JPH3: variants seen among roughly 807,000 people sequenced by gnomAD.
The protein encoded by JPH3 is junctophilin 3.
JPH3 carries 11 observed loss-of-function variants against 59.6 expected under a neutral mutation model. The ratio of observed to expected loss-of-function variants is 0.18; its 90% confidence interval spans 0.12 to 0.31. The LOEUF is 0.31. JPH3 is among the 10% of genes least tolerant of loss of function. The probability of loss-of-function intolerance (pLI) is 1.00; values close to 1 mark genes in which losing one functional copy is unlikely to be tolerated. For synonymous variants in JPH3, 673 were observed against 483.6 expected, an observed-to-expected ratio of 1.39 and a Z score of -5.14; for missense variants, 1,202 against 1,105.7, an observed-to-expected ratio of 1.09 and a Z score of -1.24.
At chr16:87,666,180 C>A (rs1261267672) in intron 2 of JPH3, among the ~76,000 whole-genome samples, 1 of 151,662 alleles carries the variant, frequency 6.6e-6, no homozygotes, top group African/African-American at 2.4e-5. Context: ...CCTCTGCCTC[C>A]CTGATTTAAG....
intron 2 of JPH3, among the ~76,000 whole-genome samples, chr16:87,658,450 C>G (rs998881388): frequency 3.3e-5 from 5 of 151,194 alleles, no homozygotes; most frequent in Non-Finnish European, 7.4e-5. Context: ...CTGCTTTGCT[C>G]TCTGTCTCTC....
At chr16:87,683,099 A>G (rs1017185092) in intron 2 of JPH3, among the ~76,000 whole-genome samples, 1 of 152,148 alleles carries the variant, frequency 6.6e-6, no homozygotes, top group African/African-American at 2.4e-5. Flanking sequence ...GGGTGAGGGA[A>G]CTGCCCAGCT....
chr16:87,679,549 C>T (rs2033233497), intron 2 of JPH3, among the ~76,000 whole-genome samples: 1 of 152,242 alleles, frequency 6.6e-6, no homozygotes, highest in Admixed American at 6.5e-5. Context: ...TGTTGGAGCT[C>T]TTCTTTGACC....
chr16:87,617,381 A>T (rs1219727383), intron 1 of JPH3, among the ~76,000 whole-genome samples: 1 of 148,450 alleles, frequency 6.7e-6, no homozygotes, highest in African/African-American at 2.4e-5. Flanking sequence ...TGAATTTAAA[A>T]AGCTGCTGCC....
chr16:87,681,316 G>A (rs2033287330), intron 2 of JPH3, among the ~76,000 whole-genome samples: 2 of 145,714 alleles, frequency 1.4e-5, no homozygotes, highest in African/African-American at 2.6e-5. Context: ...TGACAGTTCC[G>A]GGAGGTCAGG....
chr16:87,684,523 T>C, intron 3 of JPH3: 1 of 479,712 alleles, frequency 2.1e-6, no homozygotes, highest in Non-Finnish European at 3.7e-6. Context: ...CGCGTGTTGC[T>C]TGCCGGCTGT....
chr16:87,629,813 G>A (rs1288194731), intron 1 of JPH3, among the ~76,000 whole-genome samples: 1 of 152,142 alleles, frequency 6.6e-6, no homozygotes, highest in Non-Finnish European at 1.5e-5. Flanking sequence ...GGACCCTGAT[G>A]AAAACCATGG....
At chr16:87,629,935 G>A (rs1379122472) in intron 1 of JPH3, among the ~76,000 whole-genome samples, 3 of 152,132 alleles carry the variant, frequency 2.0e-5, no homozygotes, top group Non-Finnish European at 4.4e-5. Flanking sequence ...GGAACTCTCT[G>A]TACTTTCCAC....
chr16:87,631,711 G>A (rs1294518647), intron 1 of JPH3, among the ~76,000 whole-genome samples: 3 of 152,032 alleles, frequency 2.0e-5, no homozygotes, highest in Admixed American at 6.5e-5. Context: ...TTTAGAGTTC[G>A]GGTGTTCTGG....
chr16:87,671,546 T>C (rs1022577754), intron 2 of JPH3, among the ~76,000 whole-genome samples: 2 of 152,128 alleles, frequency 1.3e-5, no homozygotes, highest in Non-Finnish European at 2.9e-5. Context: ...CAGGCCCTAA[T>C]AGCAGGAGTC....
chr16:87,639,625 C>T (rs1388240155), intron 1 of JPH3, among the ~76,000 whole-genome samples: 1 of 150,862 alleles, frequency 6.6e-6, no homozygotes. Context: ...CCCTCCTGGC[C>T]TCCCTCCTGG....
chr16:87,655,340 A>AT (rs1008242583), intron 2 of JPH3, among the ~76,000 whole-genome samples: 8 of 49,836 alleles, frequency 1.6e-4, no homozygotes, highest in Non-Finnish European at 2.2e-4. Context: ...AAATAATTTT[A>AT]TTTTTTGTGA....
intron 3 of JPH3, among the ~76,000 whole-genome samples, chr16:87,684,650 C>A (rs557272310): frequency 7.7e-4 from 117 of 152,352 alleles, no homozygotes; most frequent in African/African-American, 2.8e-3. Flanking sequence ...GCGTGGCAGC[C>A]ATTAGCTGGG....
At chr16:87,660,579 C>T (rs528017032) in intron 2 of JPH3, among the ~76,000 whole-genome samples, 9 of 152,292 alleles carry the variant, frequency 5.9e-5, no homozygotes, top group African/African-American at 9.6e-5. Context: ...GGCACATGTC[C>T]GTTGTAGTCA....
At chr16:87,692,817 C>A (rs2033634558) in intron 4 of JPH3, among the ~76,000 whole-genome samples, 1 of 152,216 alleles carries the variant, frequency 6.6e-6, no homozygotes, top group South Asian at 2.1e-4. Context: ...CTCCTGCGGG[C>A]AGCCACGCCC....
At position 87,648,292 on chromosome 16, in the gene JPH3, G is replaced by A. The variant is rs180855002; in HGVS notation, c.1160+3257G>A. On this transcript the variant is annotated intron_variant, in intron 2 of 4. Coordinates refer to ENST00000284262, the MANE Select transcript of JPH3 (RefSeq NM_020655.4). Reference sequence around the variant, plus strand: ...AAGAGAGTCTGCCGCCCTGGAGAGTGAAGCTGATGAATGGCTGGCTCAGGC... The same window carrying A: ...AAGAGAGTCTGCCGCCCTGGAGAGTAAAGCTGATGAATGGCTGGCTCAGGC... Among the ~76,000 whole-genome samples the A allele has an allele frequency of 2.6e-5, 4 of 152,288 alleles. No individual in the cohort carries two copies. The East Asian group carries it at 7.7e-4, about 29-fold the overall frequency.
intron 1 of JPH3, among the ~76,000 whole-genome samples, chr16:87,622,685 A>G (rs2031231042): frequency 6.6e-6 from 1 of 151,612 alleles, no homozygotes; most frequent in Non-Finnish European, 1.5e-5. Context: ...CTGAGGGTGC[A>G]TGGGGTCTGG....
intron 1 of JPH3, among the ~76,000 whole-genome samples, chr16:87,634,840 CTG>C (rs1036141262): frequency 7.2e-5 from 11 of 152,370 alleles, no homozygotes; most frequent in African/African-American, 2.6e-4. Context: ...GAGAGACGCT[CTG>C]TGTGGGCTTC....
At position 87,626,595 on chromosome 16, in the gene JPH3, C is replaced by T. The variant is rs540068043; in HGVS notation, c.383-17663C>T. Among the ~76,000 whole-genome samples, 522 of 152,382 alleles carry T rather than the reference C, an allele frequency of 3.4e-3. 6 individuals carry two copies. The highest frequency in any genetic ancestry group is 0.012 in the African/African-American group (481 of 41,596). ...TGCCTGAGCCCGGTGCTCCAAGCCACACCCCGAGTGGGCGGCCTCCCTGCC... is the reference window on the plus strand; with the variant it reads ...TGCCTGAGCCCGGTGCTCCAAGCCATACCCCGAGTGGGCGGCCTCCCTGCC... On this transcript the variant is annotated intron_variant, in intron 1 of 4. Coordinates refer to ENST00000284262, the MANE Select transcript of JPH3 (RefSeq NM_020655.4).
Sources: gnomAD v4.1 joint callset for allele counts (sites outside exome capture counted in the v4.1 genomes callset) on GRCh38, gnomAD v4.1.1 for gene constraint, MANE v1.5 for transcripts, NCBI Gene and HGNC (gene_info 2026-07-23, HGNC 2026-07-21) for gene names.